The following CARNMT1 variants were observed in gnomAD, a reference collection of about 807,000 sequenced individuals.
CARNMT1 encodes the protein protein-L-histidine N-pros-methyltransferase CARNMT1.
CARNMT1 carries 28 observed loss-of-function variants against 49.6 expected under a neutral mutation model. That is an observed-to-expected ratio of 0.56 (90% CI 0.42 to 0.77). The LOEUF is 0.77. Among genes scored for constraint, CARNMT1 ranks in the 30% least tolerant of loss-of-function variants. CARNMT1 has a pLI of 0.00. For missense variants in CARNMT1, 421 were observed against 512.6 expected (o/e 0.82, Z 1.73); for synonymous variants, 178 against 175.0 (o/e 1.02, Z -0.13).
At chr9:75,013,261 G>A (rs1833753788) in intron 3 of CARNMT1, among the ~76,000 whole-genome samples, 1 of 152,038 alleles carries the variant, frequency 6.6e-6, no homozygotes, top group South Asian at 2.1e-4. Context: ...GACTGGTCAG[G>A]AACTGCTGCA....
At chr9:74,995,632 T>A (rs1440858204) in intron 6 of CARNMT1, among the ~76,000 whole-genome samples, 1 of 151,980 alleles carries the variant, frequency 6.6e-6, no homozygotes, top group Non-Finnish European at 1.5e-5. Flanking sequence ...AAAAAGAGAG[T>A]AGGTGTCAGA....
chr9:75,005,900 G>A (rs1284235417), intron 3 of CARNMT1, among the ~76,000 whole-genome samples: 2 of 149,728 alleles, frequency 1.3e-5, no homozygotes, highest in East Asian at 2.0e-4. Context: ...ACATAAATTT[G>A]TGTTAACTCC....
At chr9:75,014,729 C>A (rs1033036966) in intron 3 of CARNMT1, among the ~76,000 whole-genome samples, 1 of 152,050 alleles carries the variant, frequency 6.6e-6, no homozygotes, top group East Asian at 1.9e-4. Flanking sequence ...TGTCTGTAAT[C>A]CCAGCTACTC....
chr9:74,999,839 C>CAG lies in CARNMT1; in HGVS notation c.620_621dup (p.Gly208LeufsTer5). On this transcript the variant is annotated frameshift_variant, in exon 4 of 8. Transcript: ENST00000376834. LOFTEE classifies it high-confidence loss of function. The stretch of plus-strand genomic sequence containing the variant: ...CAGGCCAGTCTTCCTAGTCCAGCAC[C>CAG]AGGTACCAGAATATTTACTTTAGAA... 1.2e-6 allele frequency: 2 copies of CAG among 1,611,280 alleles called. No individual in the cohort carries two copies. Among genetic ancestry groups the CAG allele is most frequent in the Non-Finnish European group, 1.7e-6 (2 of 1,178,622 alleles).
chr9:75,027,135 A>C (rs1262397540), intron 1 of CARNMT1: 1 of 1,303,362 alleles, frequency 7.7e-7, no homozygotes, highest in Non-Finnish European at 1.0e-6. Flanking sequence ...TTACGTGAAT[A>C]AAAGTGTTAT....
At position 75,003,346 on chromosome 9, in the gene CARNMT1, T is replaced by C. The variant is rs997200425; in HGVS notation, c.591-3476A>G. Among the ~76,000 whole-genome samples the C allele has an allele frequency of 2.0e-5, 3 of 152,254 alleles. No homozygotes were observed. In the East Asian group the frequency reaches 5.8e-4, roughly 29 times the overall value. The stretch of plus-strand genomic sequence containing the variant: ...ACATACCAAGGTTCTTCACTTCGCG[T>C]CATTCACTTAACACAGGTACAGCAA... On this transcript the variant is annotated intron_variant, in intron 3 of 7. Transcript: ENST00000376834.
chr9:75,007,990 A>T (rs937139165), intron 3 of CARNMT1, among the ~76,000 whole-genome samples: 1 of 152,020 alleles, frequency 6.6e-6, no homozygotes, highest in Non-Finnish European at 1.5e-5. Context: ...TCAACACACA[A>T]AATTCAGTTG....
chr9:75,022,949 T>C (rs942976662), intron 1 of CARNMT1, among the ~76,000 whole-genome samples: 41 of 152,004 alleles, frequency 2.7e-4, no homozygotes, highest in Non-Finnish European at 2.2e-4. Context: ...AAGAACATCC[T>C]GGCTAACACA....
intron 1 of CARNMT1, chr9:75,027,539 G>A (rs2118888877): frequency 4.4e-6 from 4 of 902,602 alleles, no homozygotes; most frequent in Non-Finnish European, 5.3e-6. Flanking sequence ...GCTCTTACAA[G>A]CACTGGTAAC....
chr9:75,023,019 G>A (rs1334674528), intron 1 of CARNMT1, among the ~76,000 whole-genome samples: 8 of 151,792 alleles, frequency 5.3e-5, no homozygotes, highest in Admixed American at 2.6e-4. Context: ...GCATGCGCCT[G>A]TAATCCCAGC....
At position 74,982,379 on chromosome 9, in the gene CARNMT1, A is replaced by G. The variant is rs1364293643; in HGVS notation, c.*1388T>C. ...TCCTTTTCTCCAAGAAAAGGCTAAAACATTAGTCATCTCTACTTTCCAAGC... is the reference window on the plus strand; with the variant it reads ...TCCTTTTCTCCAAGAAAAGGCTAAAGCATTAGTCATCTCTACTTTCCAAGC... On this transcript the variant is annotated 3_prime_UTR_variant, in exon 8 of 8. Coordinates refer to ENST00000376834, the MANE Select transcript of CARNMT1 (RefSeq NM_152420.3). 1 of 152,226 alleles carries G rather than the reference A, an allele frequency of 6.6e-6. No homozygotes were observed. The highest frequency in any genetic ancestry group is 2.4e-5 in the African/African-American group (1 of 41,466). The allele number at this position is 152,226 out of a possible 1,614,324, so 9.4% of individuals were successfully genotyped here.
intron 3 of CARNMT1, among the ~76,000 whole-genome samples, chr9:75,011,920 A>G (rs1833700750): frequency 6.6e-6 from 1 of 152,200 alleles, no homozygotes; most frequent in African/African-American, 2.4e-5. Flanking sequence ...ATTCTTCCCC[A>G]GTCAAGTCTC....
intron 3 of CARNMT1, 87 bp from the exon 4 acceptor site, chr9:74,999,957 A>T (rs1249329086): frequency 8.1e-7 from 1 of 1,235,892 alleles, no homozygotes; most frequent in African/African-American, 1.5e-5. Flanking sequence ...AAACTTACTC[A>T]TTTACTCAAT....
At chr9:75,014,523 C>A (rs748363065) in intron 3 of CARNMT1, among the ~76,000 whole-genome samples, 5 of 151,914 alleles carry the variant, frequency 3.3e-5, no homozygotes, top group Non-Finnish European at 7.4e-5. Flanking sequence ...CACACACATA[C>A]ATAATGCAAG....
Position 74,981,858 on chromosome 9 carries a change from T to A in CARNMT1, c.*1909A>T, listed in dbSNP as rs1257678643. The A allele has an allele frequency of 6.6e-6, 1 of 151,966 alleles. No homozygotes were observed. The highest frequency in any genetic ancestry group is 1.5e-5 in the Non-Finnish European group (1 of 67,960). 9.4% of individuals were successfully genotyped at this position (151,966 alleles called of 1,614,324 possible). On this transcript the variant is annotated 3_prime_UTR_variant, in exon 8 of 8. Transcript: ENST00000376834. ...CATTCCTTTCTGTTCGATTGATTTT[T>A]AAAAAATACTTATGTACTTTGCAAG...
upstream of CARNMT1, chr9:75,028,349 AGCTCGCGGCGC>A: frequency 7.7e-7 from 1 of 1,304,194 alleles, no homozygotes; most frequent in Admixed American, 4.2e-5. Context: ...ACATGCCCCC[AGCTCGCGGCGC>A]GCTCCGCCCC....
intron 6 of CARNMT1, among the ~76,000 whole-genome samples, chr9:74,987,801 TA>T (rs571992743): frequency 2.4e-3 from 356 of 148,076 alleles, no homozygotes; most frequent in African/African-American, 7.5e-3. Context: ...AAATCCAACT[TA>T]AAAAAAAAAC....
chr9:75,007,796 A>G (rs1002988178), intron 3 of CARNMT1, among the ~76,000 whole-genome samples: 2 of 151,830 alleles, frequency 1.3e-5, no homozygotes, highest in African/African-American at 4.8e-5. Flanking sequence ...GGTATTTACG[A>G]AAGTCCCACA....
At chr9:74,993,074 C>G (rs1294021072) in intron 6 of CARNMT1, among the ~76,000 whole-genome samples, 1 of 151,822 alleles carries the variant, frequency 6.6e-6, no homozygotes, top group Non-Finnish European at 1.5e-5. Flanking sequence ...ATACATGTAA[C>G]AGTCATTAAT....
Sources: gnomAD v4.1 joint callset for allele counts (sites outside exome capture counted in the v4.1 genomes callset) on GRCh38, gnomAD v4.1.1 for gene constraint, MANE v1.5 for transcripts, NCBI Gene and HGNC (gene_info 2026-07-23, HGNC 2026-07-21) for gene names.